The following RBM27 variants were observed in gnomAD, a reference collection of about 807,000 sequenced individuals.
RBM27 encodes the protein RNA-binding protein 27.
In RBM27, 22 loss-of-function variants were observed where a neutral mutation model predicts 135.3. The observed-to-expected ratio is 0.16, with a 90% CI of 0.12 to 0.23. The LOEUF is 0.23. RBM27 is among the 10% of genes least tolerant of loss of function. The pLI, the probability that RBM27 is intolerant of heterozygous loss-of-function variation, is 1.00. For synonymous variants in RBM27, 481 were observed against 442.4 expected, an observed-to-expected ratio of 1.09 and a Z score of -1.10; for missense variants, 1,009 against 1,281.0, an observed-to-expected ratio of 0.79 and a Z score of 3.24.
rs145407605 is a variant in RBM27, at chr5:146,233,680, A to T, written c.1081A>T (p.Met361Leu). 2.2e-4 allele frequency: 338 copies of T among 1,523,954 alleles called. 2 individuals are homozygous for T. The African/African-American group carries it at 4.4e-3, about 20-fold the overall frequency. The allele number at this position is 1,523,954 out of a possible 1,614,324, so 94.4% of individuals were successfully genotyped here. Residue 361 changes from methionine (M) to leucine (L), a missense_variant, in exon 7 of 21, where the codon ATG becomes TTG. Met to Leu is a conservative substitution (Grantham distance 15). This residue lies in a region of RBM27 where 329 missense variants were observed against 368.1 expected (regional missense o/e 0.89). Transcript: ENST00000265271. The part of the protein sequence containing the change: ...PGPGPGPGHS[M>L]RLPVPQGHGQ... ...CCCAGGTCCAGGTCCTGGCCATAGTATGAGACTTCCTGTTCCCCAAGGACA... is the reference window on the plus strand; with the variant it reads ...CCCAGGTCCAGGTCCTGGCCATAGTTTGAGACTTCCTGTTCCCCAAGGACA...
chr5:146,231,131 C>G (rs1400652228), intron 6 of RBM27, among the ~76,000 whole-genome samples: 1 of 152,122 alleles, frequency 6.6e-6, no homozygotes, highest in East Asian at 1.9e-4. Context: ...AAGCGATTCT[C>G]CTTCCTCAGC....
chr5:146,235,033 AAAATAAATAAAT>A (rs59434635), intron 7 of RBM27, among the ~76,000 whole-genome samples: 66 of 139,528 alleles, frequency 4.7e-4, no homozygotes, highest in East Asian at 1.3e-3. Context: ...CCCTGTCTCA[AAAATAAATAAAT>A]AAATAAATAA....
chr5:146,234,990 C>T (rs1184501124), intron 7 of RBM27, among the ~76,000 whole-genome samples: 1 of 150,174 alleles, frequency 6.7e-6, no homozygotes, highest in Non-Finnish European at 1.5e-5. Context: ...CAAGATTGCA[C>T]CACTCCATTC....
intron 6 of RBM27, among the ~76,000 whole-genome samples, chr5:146,233,147 C>A (rs1039055959): frequency 2.6e-5 from 4 of 152,156 alleles, no homozygotes; most frequent in African/African-American, 9.7e-5. Flanking sequence ...TTTAAAATAT[C>A]TGAGTTTTTA....
intron 8 of RBM27, among the ~76,000 whole-genome samples, chr5:146,239,472 C>CTTTTTTTTTT (rs916182587): frequency 3.6e-4 from 20 of 55,368 alleles, no homozygotes; most frequent in African/African-American, 6.4e-4. Context: ...TTTTCCTTTT[C>CTTTTTTTTTT]TTTTTTTTTT....
intron 3 of RBM27, among the ~76,000 whole-genome samples, chr5:146,228,213 CCT>C (rs1225357294): frequency 6.6e-6 from 1 of 151,498 alleles, no homozygotes; most frequent in Non-Finnish European, 1.5e-5. Context: ...TTACTCGTGC[CCT>C]CTCTTGCGCC....
At chr5:146,213,343 C>G (rs1474820407) in intron 1 of RBM27, among the ~76,000 whole-genome samples, 1 of 152,158 alleles carries the variant, frequency 6.6e-6, no homozygotes, top group Non-Finnish European at 1.5e-5. Flanking sequence ...CTCAGGTGAT[C>G]CACCCTTGGC....
chr5:146,220,242 C>G (rs1391087841), intron 2 of RBM27, among the ~76,000 whole-genome samples: 2 of 152,106 alleles, frequency 1.3e-5, no homozygotes, highest in Admixed American at 6.5e-5. Context: ...CTTTGGGAGG[C>G]CGAAGCGGGT....
At chr5:146,265,736 T>G (rs1758586228) in intron 14 of RBM27, among the ~76,000 whole-genome samples, 1 of 152,192 alleles carries the variant, frequency 6.6e-6, no homozygotes. Context: ...TTGTTGACAG[T>G]GTTGATATTC....
In RBM27 at chr5:146,258,652, T is replaced by C. The variant is rs370307164; in HGVS notation, c.1739+59T>C. 3.2e-4 allele frequency: 439 copies of C among 1,351,986 alleles called. 3 individuals are homozygous for C. In the African/African-American group the frequency reaches 6.0e-3, roughly 19 times the overall value. The allele number at this position is 1,351,986 out of a possible 1,614,324, so 83.7% of individuals were successfully genotyped here. A position where few individuals can be genotyped will look rare whatever the true frequency, so the allele number is the denominator to read the frequency against. On this transcript the variant is annotated intron_variant, in intron 11 of 20. Transcript: ENST00000265271. The stretch of plus-strand genomic sequence containing the variant: ...GTTATTGTCGTTTGCATTGGTAAAT[T>C]CATAAAAATAAGATTTGTCATTAAT...
intron 19 of RBM27, among the ~76,000 whole-genome samples, chr5:146,281,242 C>T (rs573562986): frequency 6.6e-6 from 1 of 152,246 alleles, no homozygotes; most frequent in East Asian, 1.9e-4. Flanking sequence ...AAAGTCCTGT[C>T]TAGTGTTCCT....
Position 146,271,066 on chromosome 5 carries a change from T to A in RBM27, c.2796+8T>A, listed in dbSNP as rs376721067. 3 of 1,596,164 alleles carry A rather than the reference T, an allele frequency of 1.9e-6. No homozygotes were observed. In the African/African-American group the frequency reaches 4.0e-5, roughly 22 times the overall value. Reference sequence around the variant, plus strand: ...AGTCAGTTACAGGTTGAGGTGAGATTTAAAAGGAGTTAGCGCCCCACCACA... The same window carrying A: ...AGTCAGTTACAGGTTGAGGTGAGATATAAAAGGAGTTAGCGCCCCACCACA... On this transcript the variant is annotated splice_region_variant and intron_variant, in intron 18 of 20. Transcript: ENST00000265271.
intron 11 of RBM27, among the ~76,000 whole-genome samples, chr5:146,260,082 C>T (rs548096965): frequency 4.6e-5 from 7 of 151,476 alleles, no homozygotes; most frequent in South Asian, 4.2e-4. Flanking sequence ...GGTAGATCAC[C>T]GACGCCAGGA....
At position 146,271,734 on chromosome 5, in the gene RBM27, C is replaced by T. The variant is rs533222311; in HGVS notation, c.2988+60C>T. 43 of 1,430,438 alleles carry T rather than the reference C, an allele frequency of 3.0e-5. No homozygotes were observed. The African/African-American group carries it at 5.8e-4, about 19-fold the overall frequency. 88.6% of individuals were successfully genotyped at this position (1,430,438 alleles called of 1,614,324 possible). On this transcript the variant is annotated intron_variant, in intron 19 of 20. Transcript: ENST00000265271. ...AACACTGTGCTCATCATTTTCCTTG[C>T]TGCAGTGTCTATAAATGTCAGATGT...
At chr5:146,285,221 T>C (rs966797009) in intron 20 of RBM27, among the ~76,000 whole-genome samples, 1 of 152,132 alleles carries the variant, frequency 6.6e-6, no homozygotes, top group Non-Finnish European at 1.5e-5. Context: ...TCTTAAAATA[T>C]ATGAGAATTT....
At position 146,230,655 on chromosome 5, in the gene RBM27, A is replaced by C. The variant is rs201811901; in HGVS notation, c.590-2A>C. ...TCTGTTTTTAATTTTGTCTCCAAGT[A>C]GAGCACAGGGAAAGATCGAAGTTTA... is the stretch of plus-strand genomic sequence containing the variant. On this transcript the variant is annotated splice_acceptor_variant, in intron 5 of 20. Coordinates refer to ENST00000265271, the MANE Select transcript of RBM27 (RefSeq NM_018989.2). LOFTEE classifies it high-confidence loss of function. 166 of 1,612,860 alleles carry C rather than the reference A, an allele frequency of 1.0e-4. No homozygotes were observed. The highest frequency in any genetic ancestry group is 4.9e-4 in the Middle Eastern group (3 of 6,078).
At chr5:146,216,602 C>G (rs1008105222) in intron 1 of RBM27, among the ~76,000 whole-genome samples, 6 of 152,138 alleles carry the variant, frequency 3.9e-5, no homozygotes, top group African/African-American at 1.2e-4. Flanking sequence ...CTAAGGTTAT[C>G]TGTTCATAAT....
chr5:146,228,341 G>T (rs1322567971), intron 3 of RBM27, among the ~76,000 whole-genome samples: 2 of 148,440 alleles, frequency 1.3e-5, no homozygotes, highest in Non-Finnish European at 3.0e-5. Context: ...GAGCGCAGTG[G>T]CGTGATCTCG....
intron 19 of RBM27, among the ~76,000 whole-genome samples, chr5:146,282,606 T>C (rs1353757012): frequency 1.3e-5 from 2 of 152,240 alleles, no homozygotes; most frequent in Non-Finnish European, 2.9e-5. Context: ...ATATTATAAG[T>C]AATCTAGAGA....
Sources: gnomAD v4.1 joint callset for allele counts (sites outside exome capture counted in the v4.1 genomes callset) on GRCh38, gnomAD v4.1.1 for gene constraint, gnomAD v4.1.1 regional missense constraint, MANE v1.5 for transcripts, NCBI Gene and HGNC (gene_info 2026-07-23, HGNC 2026-07-21) for gene names.